WDR7: variants seen among roughly 807,000 people sequenced by gnomAD.
WDR7 encodes the protein WD repeat-containing protein 7.
WDR7 carries 46 observed loss-of-function variants against 169.4 expected under a neutral mutation model. The ratio of observed to expected loss-of-function variants is 0.27; its 90% CI spans 0.21 to 0.35. The LOEUF is 0.35. Among genes scored for constraint, WDR7 ranks in the 10% least tolerant of loss-of-function variants. The pLI is 1.00. For missense variants in WDR7, 1,534 were observed against 1,859.3 expected (o/e 0.83, Z 3.22); for synonymous variants, 612 against 666.8 (o/e 0.92, Z 1.27).
At chr18:57,014,097 A>C (rs2048174285) in intron 26 of WDR7, among the ~76,000 whole-genome samples, 1 of 152,028 alleles carries the variant, frequency 6.6e-6, no homozygotes, top group African/African-American at 2.4e-5. Flanking sequence ...AGGCCGAGGC[A>C]GGTGGATCAC....
At chr18:56,997,544 G>A (rs551898960) in intron 26 of WDR7, among the ~76,000 whole-genome samples, 11 of 152,160 alleles carry the variant, frequency 7.2e-5, no homozygotes, top group Non-Finnish European at 1.5e-4. Flanking sequence ...GACCAATAAC[G>A]AAGACCTTGT....
chr18:56,862,425 T>A (rs1231846297), intron 20 of WDR7, among the ~76,000 whole-genome samples: 2 of 151,524 alleles, frequency 1.3e-5, no homozygotes, highest in Non-Finnish European at 3.0e-5. Context: ...AGTCAACTCT[T>A]AAATTCAACA....
intron 4 of WDR7, among the ~76,000 whole-genome samples, chr18:56,682,442 G>A (rs1275011868): frequency 2.6e-5 from 4 of 152,082 alleles, no homozygotes; most frequent in Admixed American, 6.6e-5. Context: ...CAAAAGGGAG[G>A]ATAAGATGTT....
chr18:56,773,357 C>T (rs929062458), intron 16 of WDR7, among the ~76,000 whole-genome samples: 3 of 149,940 alleles, frequency 2.0e-5, no homozygotes, highest in East Asian at 2.0e-4. Context: ...TTTTTTTTAT[C>T]ATTCATTACT....
intron 20 of WDR7, among the ~76,000 whole-genome samples, chr18:56,818,709 A>G (rs370395033): frequency 2.0e-5 from 3 of 152,204 alleles, no homozygotes; most frequent in African/African-American, 7.2e-5. Context: ...AGAATCCTAT[A>G]TAAATTGCAT....
intron 20 of WDR7, among the ~76,000 whole-genome samples, chr18:56,868,624 C>G (rs1037929960): frequency 7.9e-5 from 12 of 152,212 alleles, no homozygotes; most frequent in African/African-American, 2.6e-4. Context: ...GCCAGAGTTT[C>G]TTTTTCTAAG....
At chr18:56,961,000 A>C (rs2047331245) in intron 25 of WDR7, among the ~76,000 whole-genome samples, 1 of 152,070 alleles carries the variant, frequency 6.6e-6, no homozygotes, top group African/African-American at 2.4e-5. Flanking sequence ...AAAAATGAGC[A>C]TTAACCTTCC....
At position 56,834,621 on chromosome 18, in the gene WDR7, T is replaced by G. The variant is rs112207852; in HGVS notation, c.3304+18477T>G. Reference sequence around the variant, plus strand: ...ATTCCTTAGAAGGTGGTACCCAGAATGGACCATGCCCCCACTAGCAGACCA... The same window carrying G: ...ATTCCTTAGAAGGTGGTACCCAGAAGGGACCATGCCCCCACTAGCAGACCA... On this transcript the variant is annotated intron_variant, in intron 20 of 27. Transcript: ENST00000254442. Among the ~76,000 whole-genome samples the G allele has an allele frequency of 8.2e-3, 1,245 of 152,244 alleles. 21 individuals are homozygous for G. The highest frequency in any genetic ancestry group is 0.026 in the African/African-American group (1,093 of 41,544).
chr18:56,924,090 C>G lies in WDR7; in HGVS notation c.3695C>G (p.Ala1232Gly), dbSNP rs1359923371. ...GGGCTTCTCGAACTTTGTGCCGATG[C>G]CGAGAAACAACTTGCCAAGTATGTG... is the stretch of plus-strand genomic sequence containing the variant. ...LMGLLELCADAEKQLANITMG... is the reference protein window; with the variant it reads ...LMGLLELCADGEKQLANITMG... Residue 1232 changes from alanine to glycine, a missense_variant, in exon 22 of 28, where the codon GCC becomes GGC. Coordinates refer to ENST00000254442, the MANE Select transcript of WDR7 (RefSeq NM_015285.3). 1 of 1,612,136 alleles carries G rather than the reference C, an allele frequency of 6.2e-7. No individual in the cohort carries two copies. The highest frequency in any genetic ancestry group is 1.7e-5 in the Admixed American group (1 of 59,512).
At chr18:56,832,014 G>A (rs997105053) in intron 20 of WDR7, among the ~76,000 whole-genome samples, 1 of 152,142 alleles carries the variant, frequency 6.6e-6, no homozygotes, top group African/African-American at 2.4e-5. Context: ...CTGGAAAGAG[G>A]GCTGAAGCCA....
chr18:56,883,445 T>A (rs545935599), intron 21 of WDR7, among the ~76,000 whole-genome samples: 2 of 152,210 alleles, frequency 1.3e-5, no homozygotes, highest in Non-Finnish European at 2.9e-5. Flanking sequence ...TTTTATTTTT[T>A]AAATTTTTAT....
intron 21 of WDR7, among the ~76,000 whole-genome samples, chr18:56,893,345 T>C (rs2145534131): frequency 6.6e-6 from 1 of 152,166 alleles, no homozygotes; most frequent in Non-Finnish European, 1.5e-5. Context: ...GTATTGAAGT[T>C]TCTATAAGTT....
At chr18:56,992,137 C>A (rs1313032112) in intron 26 of WDR7, among the ~76,000 whole-genome samples, 1 of 152,198 alleles carries the variant, frequency 6.6e-6, no homozygotes, top group Non-Finnish European at 1.5e-5. Flanking sequence ...TATCTTAAGA[C>A]AACTGATCTT....
intron 20 of WDR7, among the ~76,000 whole-genome samples, chr18:56,821,632 C>A (rs2045097663): frequency 6.9e-6 from 1 of 143,982 alleles, no homozygotes; most frequent in African/African-American, 2.5e-5. Context: ...CATCATTATT[C>A]CCCCTGCATA....
At chr18:56,965,737 G>T (rs1427273086) in intron 26 of WDR7, among the ~76,000 whole-genome samples, 11 of 152,050 alleles carry the variant, frequency 7.2e-5, no homozygotes, top group Non-Finnish European at 1.6e-4. Context: ...TTTACAGAAA[G>T]GGTTTGCTAA....
intron 19 of WDR7, among the ~76,000 whole-genome samples, chr18:56,791,428 G>T (rs1314500979): frequency 2.0e-5 from 3 of 151,996 alleles, no homozygotes; most frequent in Non-Finnish European, 4.4e-5. Context: ...TTATATCTTG[G>T]ATATGAAGTA....
Position 56,709,427 on chromosome 18 carries a change from CATAATA to C in WDR7, c.1579-8528_1579-8523del, listed in dbSNP as rs564425874. ...AGATAGAATCTATGGTATATAATTA[CATAATA>C]ATAATAATGATGGAGATAATATTAT... On this transcript the variant is annotated intron_variant, in intron 12 of 27. Transcript: ENST00000254442. 1.2e-3 allele frequency among the ~76,000 whole-genome samples: 177 copies of C among 152,184 alleles called. No individual in the cohort carries two copies. In the Middle Eastern group the frequency reaches 0.014, roughly 12 times the overall value.
At chr18:56,689,909 G>GTT (rs1287274286) in intron 7 of WDR7, among the ~76,000 whole-genome samples, 1 of 151,898 alleles carries the variant, frequency 6.6e-6, no homozygotes, top group Non-Finnish European at 1.5e-5. Flanking sequence ...TAGTGCTGAT[G>GTT]TTATACACTG....
At chr18:56,653,207 T>C (rs1183521715) in intron 1 of WDR7, among the ~76,000 whole-genome samples, 1 of 151,924 alleles carries the variant, frequency 6.6e-6, no homozygotes, top group Non-Finnish European at 1.5e-5. Flanking sequence ...GCATTTTTCG[T>C]TCTTCTTTTT....
Sources: gnomAD v4.1 joint callset for allele counts (sites outside exome capture counted in the v4.1 genomes callset) on GRCh38, gnomAD v4.1.1 for gene constraint, MANE v1.5 for transcripts, NCBI Gene and HGNC (gene_info 2026-07-23, HGNC 2026-07-21) for gene names.